Variants in GABRB3 observed in about 807,000 individuals in gnomAD.
GABRB3 encodes the protein gamma-aminobutyric acid receptor subunit beta-3.
GABRB3 carries 14 observed loss-of-function variants against 52.1 expected under a neutral mutation model. That is an observed-to-expected ratio of 0.27 (90% CI 0.18 to 0.42). The LOEUF is 0.42. GABRB3 is among the 10% of genes least tolerant of loss of function. GABRB3 has a pLI of 1.00. For missense variants in GABRB3, 307 were observed against 609.1 expected (o/e 0.50, Z 5.22); for synonymous variants, 260 against 232.3 (o/e 1.12, Z -1.08).
chr15:26,727,778 T>A (rs1236154246), intron 3 of GABRB3, among the ~76,000 whole-genome samples: 2 of 152,206 alleles, frequency 1.3e-5, no homozygotes, highest in Admixed American at 1.3e-4. Context: ...CATGTGTTCA[T>A]ACCAATACCA....
At chr15:26,738,075 G>A (rs575137219) in intron 3 of GABRB3, among the ~76,000 whole-genome samples, 53 of 151,800 alleles carry the variant, frequency 3.5e-4, no homozygotes, top group Non-Finnish European at 5.9e-4. Context: ...TTTTGTTGTC[G>A]TTGTTCTTCT....
intron 8 of GABRB3, among the ~76,000 whole-genome samples, chr15:26,559,980 G>A (rs1373428160): frequency 6.6e-6 from 1 of 152,204 alleles, no homozygotes; most frequent in Non-Finnish European, 1.5e-5. Context: ...AAAAGATGGT[G>A]TGCCTGCTCC....
At chr15:26,563,089 C>A (rs1890046886) in intron 7 of GABRB3, among the ~76,000 whole-genome samples, 1 of 152,190 alleles carries the variant, frequency 6.6e-6, no homozygotes, top group African/African-American at 2.4e-5. Context: ...CCGTCTCTCC[C>A]CCTTCAACTT....
intron 4 of GABRB3, among the ~76,000 whole-genome samples, chr15:26,598,112 A>C (rs1891461424): frequency 6.6e-6 from 1 of 152,224 alleles, no homozygotes; most frequent in Non-Finnish European, 1.5e-5. Context: ...GAAAACCATG[A>C]GATCTGTCCA....
chr15:26,568,607 C>G (rs1890271478), intron 6 of GABRB3, among the ~76,000 whole-genome samples: 1 of 149,174 alleles, frequency 6.7e-6, no homozygotes. Flanking sequence ...AGGCGATTCT[C>G]TTGCCTCAGC....
rs185904759 is a variant in GABRB3 at position 26,617,017 on chromosome 15, C to A, written c.461+4297G>T. Reference sequence around the variant, plus strand: ...TTATCCATCGACACATACACTCTCCCAAGACTAAACCAGGAAGAAGTTGAA... The same window carrying A: ...TTATCCATCGACACATACACTCTCCAAAGACTAAACCAGGAAGAAGTTGAA... On this transcript the variant is annotated intron_variant, in intron 4 of 8. Coordinates refer to ENST00000311550, the MANE Select transcript of GABRB3 (RefSeq NM_000814.6). 3.4e-3 allele frequency among the ~76,000 whole-genome samples: 510 copies of A among 152,116 alleles called. 6 individuals are homozygous for A. Among genetic ancestry groups the A allele is most frequent in the African/African-American group, 0.012 (488 of 41,486 alleles).
chr15:26,585,771 T>C (rs1595460722), intron 4 of GABRB3, among the ~76,000 whole-genome samples: 1 of 152,318 alleles, frequency 6.6e-6, no homozygotes. Flanking sequence ...AATCAACACA[T>C]AGCTCTTTGG....
chr15:26,597,837 C>A (rs1341602351), intron 4 of GABRB3, among the ~76,000 whole-genome samples: 1 of 152,174 alleles, frequency 6.6e-6, no homozygotes, highest in Non-Finnish European at 1.5e-5. Flanking sequence ...TTTTTCTCCA[C>A]CCTCAAAATT....
At chr15:26,567,851 C>A in intron 6 of GABRB3, 118 bp from the exon 7 acceptor site, 2 of 952,232 alleles carry the variant, frequency 2.1e-6, no homozygotes, top group South Asian at 1.4e-5. Flanking sequence ...AAAGGGGTGA[C>A]CCACCACCAA....
chr15:26,598,645 G>T (rs1338574311), intron 4 of GABRB3, among the ~76,000 whole-genome samples: 1 of 152,108 alleles, frequency 6.6e-6, no homozygotes, highest in Non-Finnish European at 1.5e-5. Flanking sequence ...TATTCTACAT[G>T]GGGAAAAGAA....
chr15:26,716,967 A>ACCACAGCCCAGCTC (rs1889496796), intron 3 of GABRB3, among the ~76,000 whole-genome samples: 1 of 136,514 alleles, frequency 7.3e-6, no homozygotes, highest in Non-Finnish European at 1.6e-5. Context: ...CCTCCACCCA[A>ACCACAGCCCAGCTC]TGACAGCCCA....
chr15:26,593,599 T>C (rs1206485736), intron 4 of GABRB3, among the ~76,000 whole-genome samples: 1 of 152,172 alleles, frequency 6.6e-6, no homozygotes, highest in African/African-American at 2.4e-5. Flanking sequence ...TTTAGTTCAA[T>C]TACTATATTT....
At chr15:26,606,772 A>ATAGATATATCTATCGATAGATACATC (rs1566770499) in intron 4 of GABRB3, among the ~76,000 whole-genome samples, 5 of 81,684 alleles carry the variant, frequency 6.1e-5, no homozygotes, top group Admixed American at 3.7e-4. Flanking sequence ...GTCTATCTAT[A>ATAGATATATCTATCGATAGATACATC]GATAGATAGA....
intron 4 of GABRB3, among the ~76,000 whole-genome samples, chr15:26,592,280 C>T (rs912370664): frequency 6.6e-6 from 1 of 152,178 alleles, no homozygotes; most frequent in African/African-American, 2.4e-5. Flanking sequence ...CTGATCTTCA[C>T]ATTTATATCC....
chr15:26,570,384 C>T (rs1794625166), intron 6 of GABRB3, among the ~76,000 whole-genome samples: 1 of 152,226 alleles, frequency 6.6e-6, no homozygotes, highest in Admixed American at 6.5e-5. Context: ...GCGCACCATG[C>T]ACGGGGGCCA....
At chr15:26,748,379 A>G (rs1890408491) in intron 3 of GABRB3, among the ~76,000 whole-genome samples, 1 of 152,188 alleles carries the variant, frequency 6.6e-6, no homozygotes, top group Non-Finnish European at 1.5e-5. Flanking sequence ...CTAATTACAA[A>G]TTCAATTTCT....
Position 26,764,553 on chromosome 15 carries a change from T to C in GABRB3, c.240+7849A>G, listed in dbSNP as rs368367843. Among the ~76,000 whole-genome samples, 3 of 152,074 alleles carry C rather than the reference T, an allele frequency of 2.0e-5. No homozygotes were observed. The East Asian group carries it at 5.8e-4, about 29-fold the overall frequency. The stretch of plus-strand genomic sequence containing the variant: ...ACATGGCTTCTAATTCTGGATGTGG[T>C]CTCCTGACTACAAAGGAATGAGGGG... On this transcript the variant is annotated intron_variant, in intron 3 of 8. Coordinates refer to ENST00000311550, the MANE Select transcript of GABRB3 (RefSeq NM_000814.6).
At chr15:26,563,569 G>A (rs1890063620) in intron 7 of GABRB3, among the ~76,000 whole-genome samples, 1 of 152,188 alleles carries the variant, frequency 6.6e-6, no homozygotes, top group Admixed American at 6.5e-5. Context: ...CCATCATTTC[G>A]AGCTGTTGGA....
intron 4 of GABRB3, among the ~76,000 whole-genome samples, chr15:26,606,943 T>C (rs1407449727): frequency 1.3e-5 from 2 of 151,986 alleles, no homozygotes; most frequent in Non-Finnish European, 2.9e-5. Flanking sequence ...TCACACAAAA[T>C]TGAAAACCTA....
Sources: gnomAD v4.1 joint callset for allele counts (sites outside exome capture counted in the v4.1 genomes callset) on GRCh38, gnomAD v4.1.1 for gene constraint, MANE v1.5 for transcripts, NCBI Gene and HGNC (gene_info 2026-07-23, HGNC 2026-07-21) for gene names.